The following LRCH3 variants were observed in gnomAD, a reference collection of about 807,000 sequenced individuals.
The protein encoded by LRCH3 is leucine rich repeats and calponin homology domain containing 3, also known as DISP complex protein LRCH3.
A neutral mutation model predicts 104.5 loss-of-function variants in LRCH3; 68 were observed. The ratio of observed to expected loss-of-function variants is 0.65; its 90% CI spans 0.54 to 0.80. The LOEUF (loss-of-function observed/expected upper bound fraction) is 0.80. LRCH3 is among the 30% of genes least tolerant of loss of function. The pLI is 0.00. For missense variants in LRCH3, 951 were observed against 953.9 expected (o/e 1.00, Z 0.04); for synonymous variants, 344 against 361.3 (o/e 0.95, Z 0.54).
In LRCH3 at chr3:197,811,333, C is replaced by G. The variant is rs181972712; in HGVS notation, c.263-3575C>G. ...CAGAAATTTTCATAGTTTGCATTTACCATTTCTTTATATGTTAAAGAATAT... is the reference window on the plus strand; with the variant it reads ...CAGAAATTTTCATAGTTTGCATTTAGCATTTCTTTATATGTTAAAGAATAT... On this transcript the variant is annotated intron_variant, in intron 1 of 20. Coordinates refer to ENST00000425562, the MANE Select transcript of LRCH3 (RefSeq NM_001365715.1). Among the ~76,000 whole-genome samples, 365 of 152,024 alleles carry G rather than the reference C, an allele frequency of 2.4e-3. 2 individuals are homozygous for G. The highest frequency in any genetic ancestry group is 8.1e-3 in the African/African-American group (336 of 41,460).
chr3:197,807,670 T>C (rs1440681593), intron 1 of LRCH3, among the ~76,000 whole-genome samples: 1 of 152,214 alleles, frequency 6.6e-6, no homozygotes, highest in Non-Finnish European at 1.5e-5. Context: ...CTTTCTGTGT[T>C]CTTTTTCTTG....
intron 1 of LRCH3, among the ~76,000 whole-genome samples, chr3:197,808,038 AT>A (rs1200493720): frequency 6.6e-6 from 1 of 152,196 alleles, no homozygotes; most frequent in Admixed American, 6.5e-5. Flanking sequence ...TATGTACTGA[AT>A]TTTGTCCGTC....
rs1191054368 is a variant in LRCH3, at chr3:197,885,546, G to T, written c.*1880G>T. 1 of 152,312 alleles carries T rather than the reference G, an allele frequency of 6.6e-6. No individual in the cohort carries two copies. Among genetic ancestry groups the T allele is most frequent in the Non-Finnish European group, 1.5e-5 (1 of 68,128 alleles). 9.4% of individuals were successfully genotyped at this position (152,312 alleles called of 1,614,324 possible). A position where few individuals can be genotyped will look rare whatever the true frequency, so the allele number is the denominator to read the frequency against. On this transcript the variant is annotated 3_prime_UTR_variant, in exon 21 of 21. Transcript: ENST00000425562. ...AATTGCTTGAACCCAGGAGGCGGAG[G>T]TTGTGGTGAGCCAAGATCGTGCCAT...
intron 15 of LRCH3, among the ~76,000 whole-genome samples, chr3:197,864,610 CA>C (rs541948003): frequency 8.7e-4 from 83 of 95,708 alleles, no homozygotes; most frequent in Middle Eastern, 6.3e-3. Flanking sequence ...AACTCCATCT[CA>C]AAAAAAAAAA....
rs563254515 is a variant in LRCH3, at chr3:197,804,119, C to T, written c.263-10789C>T. ...CCAAAAAATACAAAAATTAGCCAGG[C>T]GTGGTGGCGTGCACCTCTAGTTAGT... On this transcript the variant is annotated intron_variant, in intron 1 of 20. Transcript: ENST00000425562. Among the ~76,000 whole-genome samples the T allele has an allele frequency of 1.4e-4, 21 of 152,090 alleles. No homozygotes were observed. In the South Asian group the frequency reaches 2.7e-3, roughly 20 times the overall value.
At chr3:197,832,420 TC>T in intron 8 of LRCH3, 103 bp downstream of exon 8, 1 of 1,136,308 alleles carries the variant, frequency 8.8e-7, no homozygotes, top group Non-Finnish European at 1.2e-6. Context: ...TATAGCTTCT[TC>T]ACTCTTCTTT....
chr3:197,813,341 T>C (rs1733411243), intron 1 of LRCH3, among the ~76,000 whole-genome samples: 1 of 152,052 alleles, frequency 6.6e-6, no homozygotes, highest in Non-Finnish European at 1.5e-5. Context: ...CTCACAGTAA[T>C]TAATTAAATC....
rs137926024 is a variant in LRCH3, at chr3:197,844,100, C to T, written c.1329-3309C>T. 3.2e-3 allele frequency among the ~76,000 whole-genome samples: 491 copies of T among 152,252 alleles called. 5 individuals are homozygous for T. Among genetic ancestry groups the T allele is most frequent in the Non-Finnish European group, 6.1e-3 (415 of 68,010 alleles). The stretch of plus-strand genomic sequence containing the variant: ...ACATTATGGATGTCTAGGGGTGAAA[C>T]GTTCTAGGTAGAGGTTCTGAGGTAG... On this transcript the variant is annotated intron_variant, in intron 10 of 20. Transcript: ENST00000425562.
chr3:197,871,433 C>G lies in LRCH3; in HGVS notation c.2101C>G (p.Pro701Ala), dbSNP rs1192327208. The G allele has an allele frequency of 1.9e-6, 3 of 1,613,848 alleles. No individual in the cohort carries two copies. The highest frequency in any genetic ancestry group is 2.5e-6 in the Non-Finnish European group (3 of 1,179,930). ...LANHVRPRSV[P>A]SIHVPSPAVP... Reference sequence around the variant, plus strand: ...CAATCATGTGCGACCTCGATCTGTCCCAAGCATTCATGTTCCCTCACCAGC... The same window carrying G: ...CAATCATGTGCGACCTCGATCTGTCGCAAGCATTCATGTTCCCTCACCAGC... The change falls in exon 19 of 21, where the codon CCA becomes GCA. Residue 701 changes from proline to alanine, a missense_variant. Coordinates refer to ENST00000425562, the MANE Select transcript of LRCH3 (RefSeq NM_001365715.1).
chr3:197,854,362 A>C lies in LRCH3; in HGVS notation c.1591-30A>C. On this transcript the variant is annotated intron_variant, in intron 13 of 20. Transcript: ENST00000425562. This position sits in a 1 kb window ranked among gnomAD's most constrained non-coding sequence, Gnocchi z 4.5. Reference sequence around the variant, plus strand: ...CACACGTGTGCGTAGTTTGTTTCTGACATGGCTTCATTTTTCTCCATCTCT... The same window carrying C: ...CACACGTGTGCGTAGTTTGTTTCTGCCATGGCTTCATTTTTCTCCATCTCT... 4 of 1,605,790 alleles carry C rather than the reference A, an allele frequency of 2.5e-6. No individual in the cohort carries two copies. Among genetic ancestry groups the C allele is most frequent in the Non-Finnish European group, 3.4e-6 (4 of 1,172,366 alleles).
At chr3:197,816,373 C>G (rs12107593) in intron 2 of LRCH3, among the ~76,000 whole-genome samples, 5 of 152,058 alleles carry the variant, frequency 3.3e-5, no homozygotes, top group African/African-American at 1.2e-4. Context: ...CTCCATCTCC[C>G]GGGTTCAAGC....
At chr3:197,880,015 G>A (rs186401029) in intron 20 of LRCH3, among the ~76,000 whole-genome samples, 4,177 of 149,612 alleles carry the variant, frequency 0.028, 103 homozygotes, top group African/African-American at 0.047. Flanking sequence ...GCGCGATCTC[G>A]GCTCACTGCA....
chr3:197,807,372 A>G (rs754455745), intron 1 of LRCH3, among the ~76,000 whole-genome samples: 4 of 151,640 alleles, frequency 2.6e-5, no homozygotes, highest in Non-Finnish European at 4.4e-5. Context: ...GCCCGCCACC[A>G]CGCCCAGCTC....
At position 197,791,459 on chromosome 3, in the gene LRCH3, G is replaced by T. The variant is rs200078781; in HGVS notation, c.181G>T (p.Val61Leu). The T allele has an allele frequency of 6.2e-7, 1 of 1,600,278 alleles. No individual in the cohort carries two copies. Among genetic ancestry groups the T allele is most frequent in the South Asian group, 1.1e-5 (1 of 89,110 alleles). Reference protein sequence around the residue: ...RALEEAAVTGVLSLSGRKLRE... With the variant: ...RALEEAAVTGLLSLSGRKLRE... ...CCTGGAGGAGGCGGCGGTCACTGGG[G>T]TGCTGAGCCTGAGCGGCCGGAAACT... Residue 61 changes from valine to leucine, a missense_variant, in exon 1 of 21, where the codon GTG (valine) becomes TTG (leucine). Transcript: ENST00000425562.
intron 1 of LRCH3, among the ~76,000 whole-genome samples, chr3:197,813,778 G>T (rs965580214): frequency 6.6e-6 from 1 of 151,716 alleles, no homozygotes; most frequent in Non-Finnish European, 1.5e-5. Flanking sequence ...TGATCCACCC[G>T]CCTCAGCCTC....
rs112952727 is a variant in LRCH3, at chr3:197,820,839, T to A, written c.640+409T>A. On this transcript the variant is annotated intron_variant, in intron 4 of 20. Transcript: ENST00000425562. ...ACGGGGTGGGGAGAGAGAGAGAGAG[T>A]GTGTGTGTGTCTGTGTGTGTTTGTG... is the stretch of plus-strand genomic sequence containing the variant. Among the ~76,000 whole-genome samples, 35 of 150,202 alleles carry A rather than the reference T, an allele frequency of 2.3e-4. 1 individual carries two copies. Among genetic ancestry groups the A allele is most frequent in the African/African-American group, 7.6e-4 (31 of 40,878 alleles).
At chr3:197,797,651 A>G (rs1005316691) in intron 1 of LRCH3, among the ~76,000 whole-genome samples, 1 of 151,584 alleles carries the variant, frequency 6.6e-6, no homozygotes, top group Non-Finnish European at 1.5e-5. Context: ...ACCTGAGGTG[A>G]GGAGTTTGAG....
At chr3:197,803,766 T>C (rs895580858) in intron 1 of LRCH3, among the ~76,000 whole-genome samples, 7 of 152,176 alleles carry the variant, frequency 4.6e-5, no homozygotes, top group African/African-American at 1.7e-4. Flanking sequence ...CGCAGGACCT[T>C]GTGAGAAATG....
chr3:197,861,339 A>G (rs1240934788), intron 15 of LRCH3, among the ~76,000 whole-genome samples: 4 of 152,168 alleles, frequency 2.6e-5, no homozygotes, highest in African/African-American at 9.7e-5. Context: ...AATGATCTCA[A>G]GGAAGGTCCA....
Sources: allele counts gnomAD v4.1 joint callset (sites outside exome capture counted in the v4.1 genomes callset), GRCh38; gene constraint gnomAD v4.1.1; non-coding constraint Gnocchi (gnomAD v3.1); transcripts MANE v1.5; gene names NCBI Gene and HGNC (gene_info 2026-07-23, HGNC 2026-07-21).